The following JADE1 variants were observed in gnomAD, a reference collection of about 807,000 sequenced individuals.
JADE1 encodes the protein jade family PHD finger 1.
Under a neutral mutation model 81.8 loss-of-function variants are expected in JADE1, and 14 were observed. The observed-to-expected ratio is 0.17, with a 90% CI of 0.11 to 0.27. JADE1 has a LOEUF of 0.27. JADE1 is among the 10% of genes least tolerant of loss of function. The probability of loss-of-function intolerance (pLI) is 1.00; values close to 1 mark genes in which losing one functional copy is unlikely to be tolerated. For missense variants in JADE1, 690 were observed against 1,047.9 expected (o/e 0.66, Z 4.71); for synonymous variants, 353 against 391.9 (o/e 0.90, Z 1.17).
intron 1 of JADE1, among the ~76,000 whole-genome samples, chr4:128,829,344 C>T (rs977601962): frequency 2.6e-5 from 4 of 152,140 alleles, no homozygotes; most frequent in East Asian, 1.9e-4. Flanking sequence ...TAATATAGCT[C>T]ATGACCCATA....
intron 9 of JADE1, chr4:128,863,683 TAAAGAAGACTTTGCCTCTC>T: frequency 1.3e-5 from 13 of 985,370 alleles, no homozygotes; most frequent in Non-Finnish European, 1.6e-5. Context: ...GTGGTGAGTG[TAAAGAAGACTTTGCCTCTC>T]ACAACTACAT....
chr4:128,828,820 T>A (rs1372250053), intron 1 of JADE1, among the ~76,000 whole-genome samples: 1 of 152,152 alleles, frequency 6.6e-6, no homozygotes. Context: ...ATTTTTAAAT[T>A]TTTTTATAGA....
chr4:128,846,276 C>A lies in JADE1; in HGVS notation c.139-99C>A. 1 of 1,206,796 alleles carries A rather than the reference C, an allele frequency of 8.3e-7. No individual in the cohort carries two copies. Among genetic ancestry groups the A allele is most frequent in the African/African-American group, 1.5e-5 (1 of 66,900 alleles). 74.8% of individuals were successfully genotyped at this position (1,206,796 alleles called of 1,614,324 possible). A position where few individuals can be genotyped will look rare whatever the true frequency, so the allele number is the denominator to read the frequency against. On this transcript the variant is annotated intron_variant, in intron 3 of 10. Coordinates refer to ENST00000226319, the MANE Select transcript of JADE1 (RefSeq NM_199320.4). This position sits in a 1 kb window ranked among gnomAD's most constrained non-coding sequence, Gnocchi z 4.0. ...GGCTTGTTCTATGTTGATACAGTGA[C>A]CTTGTTACATGGCAGCTCCATGGTT...
intron 6 of JADE1, among the ~76,000 whole-genome samples, chr4:128,852,916 C>G (rs1560763083): frequency 6.7e-6 from 1 of 149,580 alleles, no homozygotes; most frequent in Non-Finnish European, 1.5e-5. Context: ...ACATGGTGGT[C>G]TTCTTTTTTT....
chr4:128,811,764 G>T (rs1379818997), intron 1 of JADE1: 2 of 149,970 alleles, frequency 1.3e-5, no homozygotes, highest in Admixed American at 6.6e-5. Flanking sequence ...TCCCCGCGCC[G>T]GTTCCGGCGG....
chr4:128,848,439 A>G (rs1730059104), intron 4 of JADE1, among the ~76,000 whole-genome samples: 2 of 152,152 alleles, frequency 1.3e-5, no homozygotes, highest in African/African-American at 4.8e-5. Context: ...TCGGCCTCCC[A>G]AAGTGCTGGG....
rs1732203371 is a variant in JADE1 at position 128,871,638 on chromosome 4, G to T, written c.1905G>T (p.Lys635Asn). The change falls in exon 11 of 11, where the codon AAG (lysine) becomes AAT (asparagine). Residue 635 changes from lysine (K) to asparagine (N), a missense_variant. Around this residue, in one of 8 missense-constraint regions of JADE1, gnomAD observed 218 missense variants for 274.3 expected, o/e 0.79. Transcript: ENST00000226319. This position sits in a 1 kb window ranked among gnomAD's most constrained non-coding sequence, Gnocchi z 4.1. ...CAGAGAGCTTTTTGGGTTTAGAAAA[G>T]ACCTTTGCAGAAGCACGTCTCATAT... ...VVPESFLGLE[K>N]TFAEARLISA... The T allele has an allele frequency of 6.2e-7, 1 of 1,614,088 alleles. No individual in the cohort carries two copies. Among genetic ancestry groups the T allele is most frequent in the South Asian group, 1.1e-5 (1 of 91,088 alleles).
chr4:128,812,756 C>T (rs1726586913), intron 1 of JADE1, among the ~76,000 whole-genome samples: 1 of 152,250 alleles, frequency 6.6e-6, no homozygotes, highest in African/African-American at 2.4e-5. Context: ...TTTAGCTTGC[C>T]TTCTAGTAAC....
rs746021264 is a variant in JADE1, at chr4:128,871,874, G to C, written c.2141G>C (p.Arg714Thr). Residue 714 changes from arginine (R) to threonine (T), a missense_variant, in exon 11 of 11, where the codon AGG becomes ACG. Physicochemically the swap from Arg to Thr is moderately conservative, Grantham distance 71 (BLOSUM62 -1). Around this residue, in one of 8 missense-constraint regions of JADE1, gnomAD observed 218 missense variants for 274.3 expected, o/e 0.79. Transcript: ENST00000226319. This position sits in a 1 kb window ranked among gnomAD's most constrained non-coding sequence, Gnocchi z 4.1. ...GTGGGGCAGTCAGCACCTGGCACAA[G>C]GAAGGAGATAGTGCCCAAGTGCAAT... ...PGVGQSAPGTRKEIVPKCNGS... is the reference protein window; with the variant it reads ...PGVGQSAPGTTKEIVPKCNGS... 54 of 1,613,962 alleles carry C rather than the reference G, an allele frequency of 3.3e-5. No homozygotes were observed. Among genetic ancestry groups the C allele is most frequent in the Non-Finnish European group, 4.2e-5 (50 of 1,179,996 alleles).
chr4:128,815,117 T>TGGGCTCCCTGTAAGCTC (rs1726886795), intron 1 of JADE1, among the ~76,000 whole-genome samples: 1 of 35,976 alleles, frequency 2.8e-5, no homozygotes, highest in Non-Finnish European at 8.5e-5. Flanking sequence ...GGGTGCGATC[T>TGGGCTCCCTGTAAGCTC]CGGCTCCCTG....
chr4:128,871,581 C>T lies in JADE1; in HGVS notation c.1848C>T (p.Asp616=). ...GCAAAACCCTGCTGAAGCAGCCAGA[C>T]CTGTGTGGTAGAAGGGAGGGGATGG... ...SEGKTLLKQP[D]LCGRREGMVV... is the part of the protein sequence containing the mutation. The change falls in exon 11 of 11, where the codon GAC becomes GAT. Residue 616 remains aspartate (D), a synonymous_variant. Coordinates refer to ENST00000226319, the MANE Select transcript of JADE1 (RefSeq NM_199320.4). This position sits in a 1 kb window ranked among gnomAD's most constrained non-coding sequence, Gnocchi z 4.1. 6.2e-7 allele frequency: 1 copy of T among 1,614,122 alleles called. No individual in the cohort carries two copies. The highest frequency in any genetic ancestry group is 8.5e-7 in the Non-Finnish European group (1 of 1,180,028).
chr4:128,822,530 G>A (rs2125806104), intron 1 of JADE1, among the ~76,000 whole-genome samples: 1 of 151,264 alleles, frequency 6.6e-6, no homozygotes, highest in East Asian at 2.0e-4. Flanking sequence ...TGACCAACAT[G>A]GAGAAACCCC....
chr4:128,849,306 C>T, intron 5 of JADE1, 139 bp downstream of exon 5: 1 of 692,676 alleles, frequency 1.4e-6, no homozygotes, highest in Non-Finnish European at 2.3e-6. Context: ...GAATCGCAGC[C>T]CTGCCTTAGA....
In JADE1 at chr4:128,871,453, T is replaced by C. The variant is rs1428877627; in HGVS notation, c.1720T>C (p.Trp574Arg). ...PDAPKIEDLK[W>R]HSAFFRKQMG... ...TGCTCCCAAGATAGAGGACTTGAAG[T>C]GGCATTCTGCATTCTTCAGAAAACA... Residue 574 changes from tryptophan to arginine, a missense_variant, in exon 11 of 11, where the codon TGG becomes CGG. Physicochemically the swap from Trp to Arg is moderately radical, Grantham distance 101 (BLOSUM62 -3). Transcript: ENST00000226319. The surrounding 1 kb of genome is among the most constrained non-coding windows in gnomAD (Gnocchi z 4.1). 1 of 1,614,210 alleles carries C rather than the reference T, an allele frequency of 6.2e-7. No homozygotes were observed. Among genetic ancestry groups the C allele is most frequent in the Non-Finnish European group, 8.5e-7 (1 of 1,180,020 alleles).
rs996807477 is a variant in JADE1 at position 128,874,757 on chromosome 4, G to A, written c.*2495G>A. On this transcript the variant is annotated 3_prime_UTR_variant, in exon 11 of 11. Transcript: ENST00000226319. The stretch of plus-strand genomic sequence containing the variant: ...TTTTTTTTAAGCTTTATCTTTCCTT[G>A]TGCATCCTGACCAAGAAATATCTTT... The A allele has an allele frequency of 6.6e-6, 1 of 152,394 alleles. No homozygotes were observed. The highest frequency in any genetic ancestry group is 1.5e-5 in the Non-Finnish European group (1 of 67,998). The allele number at this position is 152,394 out of a possible 1,614,324, so 9.4% of individuals were successfully genotyped here.
Position 128,855,804 on chromosome 4 carries a change from G to C in JADE1, c.864+7G>C. On this transcript the variant is annotated splice_region_variant and intron_variant, in intron 7 of 10. Transcript: ENST00000226319. ...TGCTCTGTGGATCCCTGAGGTACGT[G>C]TGGTTCTTTTTTTGTTGTTTTTACT... The C allele has an allele frequency of 6.3e-7, 1 of 1,580,822 alleles. No homozygotes were observed. The highest frequency in any genetic ancestry group is 1.1e-5 in the South Asian group (1 of 88,972).
intron 9 of JADE1, chr4:128,862,483 T>G: frequency 7.4e-7 from 1 of 1,349,654 alleles, no homozygotes; most frequent in South Asian, 1.8e-5. Context: ...TTTACTGTTT[T>G]GTAAGATCAA....
At chr4:128,815,391 T>C (rs1341102631) in intron 1 of JADE1, among the ~76,000 whole-genome samples, 3 of 152,218 alleles carry the variant, frequency 2.0e-5, no homozygotes, top group Non-Finnish European at 4.4e-5. Flanking sequence ...TGAGCCACCG[T>C]GCCCGGCAAT....
Position 128,871,549 on chromosome 4 carries a change from A to G in JADE1, c.1816A>G (p.Ser606Gly). 2 of 1,614,168 alleles carry G rather than the reference A, an allele frequency of 1.2e-6. No individual in the cohort carries two copies. Among genetic ancestry groups the G allele is most frequent in the Non-Finnish European group, 1.7e-6 (2 of 1,180,032 alleles). ...KRDPLQNSPG[S>G]EGKTLLKQPD... ...AGATCCTTTGCAGAATAGCCCTGGA[A>G]GTGAAGGCAAAACCCTGCTGAAGCA... is the stretch of plus-strand genomic sequence containing the variant. Residue 606 changes from serine (S) to glycine (G), a missense_variant, in exon 11 of 11, where the codon AGT becomes GGT. Coordinates refer to ENST00000226319, the MANE Select transcript of JADE1 (RefSeq NM_199320.4). This position sits in a 1 kb window ranked among gnomAD's most constrained non-coding sequence, Gnocchi z 4.1.
Sources: gnomAD v4.1 joint callset for allele counts (sites outside exome capture counted in the v4.1 genomes callset) on GRCh38, gnomAD v4.1.1 for gene constraint, gnomAD v4.1.1 regional missense constraint, Gnocchi (gnomAD v3.1) non-coding constraint, MANE v1.5 for transcripts, NCBI Gene and HGNC (gene_info 2026-07-23, HGNC 2026-07-21) for gene names.